PCNX2: variants seen among roughly 807,000 people sequenced by gnomAD.
PCNX2 encodes pecanex-like protein 2.
In PCNX2, 168 loss-of-function variants were observed where a neutral mutation model predicts 223.8. The ratio of observed to expected loss-of-function variants is 0.75; its 90% CI spans 0.66 to 0.85. The LOEUF (loss-of-function observed/expected upper bound fraction) is 0.85. PCNX2 is among the 40% of genes least tolerant of loss of function. The pLI is 0.00. For synonymous variants in PCNX2, 1,006 were observed against 1,052.6 expected, an observed-to-expected ratio of 0.96 and a Z score of 0.86; for missense variants, 2,507 against 2,675.5, an observed-to-expected ratio of 0.94 and a Z score of 1.39.
At chr1:233,290,684 G>C (rs1190323213) in intron 1 of PCNX2, 14 of 930,428 alleles carry the variant, frequency 1.5e-5, no homozygotes, top group Non-Finnish European at 1.7e-5. Flanking sequence ...GCTAGTGCTT[G>C]ACAGATAATC....
intron 10 of PCNX2, among the ~76,000 whole-genome samples, chr1:233,219,438 T>C (rs997519428): frequency 9.9e-5 from 15 of 152,058 alleles, no homozygotes; most frequent in Non-Finnish European, 1.5e-5. Flanking sequence ...GGGGACGGCA[T>C]GGACCACAGG....
intron 1 of PCNX2, among the ~76,000 whole-genome samples, chr1:233,276,985 G>A (rs529425476): frequency 4.4e-4 from 67 of 152,324 alleles, no homozygotes; most frequent in African/African-American, 1.4e-3. Flanking sequence ...GAGTGTCAGG[G>A]AATAATCCTT....
intron 8 of PCNX2, among the ~76,000 whole-genome samples, chr1:233,249,959 A>C (rs1388960904): frequency 6.6e-6 from 1 of 152,244 alleles, no homozygotes; most frequent in Non-Finnish European, 1.5e-5. Flanking sequence ...ACTTGGAAAG[A>C]CACATGGGGT....
intron 19 of PCNX2, among the ~76,000 whole-genome samples, chr1:233,149,123 C>G (rs1216269759): frequency 6.6e-6 from 1 of 152,088 alleles, no homozygotes; most frequent in Non-Finnish European, 1.5e-5. Context: ...GCAAAGAGAC[C>G]ATAAAAAAAC....
At chr1:233,162,159 T>C (rs1200056553) in intron 17 of PCNX2, among the ~76,000 whole-genome samples, 2 of 152,148 alleles carry the variant, frequency 1.3e-5, no homozygotes, top group African/African-American at 4.8e-5. Flanking sequence ...AGCCTGAGAA[T>C]GCTGTGAATG....
At chr1:233,034,853 A>G (rs560612297) in intron 25 of PCNX2, among the ~76,000 whole-genome samples, 6 of 152,316 alleles carry the variant, frequency 3.9e-5, no homozygotes, top group Admixed American at 3.3e-4. Flanking sequence ...CTAGAGTTAG[A>G]TCAAACGGGA....
intron 12 of PCNX2, among the ~76,000 whole-genome samples, chr1:233,212,273 G>T (rs2102918414): frequency 6.6e-6 from 1 of 152,246 alleles, no homozygotes. Flanking sequence ...ATATACAAGA[G>T]AATCCAAAAT....
intron 25 of PCNX2, among the ~76,000 whole-genome samples, chr1:233,043,700 TC>T (rs11305501): frequency 1 from 61,061 of 61,076 alleles, 30,523 homozygotes; most frequent in Middle Eastern, 1. Flanking sequence ...AATGATGATT[TC>T]CCAATTTCAT....
Position 232,984,481 on chromosome 1 carries a change from C to T in PCNX2, c.6241-4G>A. 6.2e-7 allele frequency: 1 copy of T among 1,611,364 alleles called. No individual in the cohort carries two copies. Among genetic ancestry groups the T allele is most frequent in the South Asian group, 1.1e-5 (1 of 90,862 alleles). On this transcript the variant is annotated splice_region_variant and splice_polypyrimidine_tract_variant and intron_variant, in intron 33 of 33. Coordinates refer to ENST00000258229, the MANE Select transcript of PCNX2 (RefSeq NM_014801.4). Reference sequence around the variant, plus strand: ...GCTCACATGGCTCGGAGAGGTGCTTCCAAAGAGAAGAGAGAAACAGTGAAC... The same window carrying T: ...GCTCACATGGCTCGGAGAGGTGCTTTCAAAGAGAAGAGAGAAACAGTGAAC...
chr1:232,990,620 C>G lies in PCNX2; in HGVS notation c.5792-4080G>C, dbSNP rs1168422795. 6.6e-6 allele frequency among the ~76,000 whole-genome samples: 1 copy of G among 152,194 alleles called. No individual in the cohort carries two copies. Among genetic ancestry groups the G allele is most frequent in the African/African-American group, 2.4e-5 (1 of 41,456 alleles). ...GGTAACCATCCACTCATTCGTCCAA[C>G]CTTTGTCTGCTGAGCCCAGATCATG... On this transcript the variant is annotated intron_variant, in intron 32 of 33. Coordinates refer to ENST00000258229, the MANE Select transcript of PCNX2 (RefSeq NM_014801.4). The surrounding 1 kb of genome is among the most constrained non-coding windows in gnomAD (Gnocchi z 4.3).
chr1:233,033,208 C>T (rs1671331556), intron 25 of PCNX2: 7 of 985,272 alleles, frequency 7.1e-6, no homozygotes, highest in Non-Finnish European at 8.4e-6. Context: ...TTTGTCACAC[C>T]TACCAATGCC....
chr1:233,276,276 C>T (rs1439326668), intron 1 of PCNX2, among the ~76,000 whole-genome samples: 2 of 152,064 alleles, frequency 1.3e-5, no homozygotes, highest in African/African-American at 2.4e-5. Context: ...TATTCAAACT[C>T]ATAGAGACAA....
At position 233,251,080 on chromosome 1, in the gene PCNX2, T is replaced by C. The variant is rs1572152910; in HGVS notation, c.2129-248A>G. ...TCCCTGCTAATATACTTAGACAAGT[T>C]TTGACTTGGTTACTTATTATTTAAT... On this transcript the variant is annotated intron_variant, in intron 7 of 33. Transcript: ENST00000258229. Among the ~76,000 whole-genome samples the C allele has an allele frequency of 2.0e-5, 3 of 152,310 alleles. No individual in the cohort carries two copies. The East Asian group carries it at 5.8e-4, about 29-fold the overall frequency.
At chr1:233,175,121 A>C (rs920141613) in intron 17 of PCNX2, among the ~76,000 whole-genome samples, 5 of 152,154 alleles carry the variant, frequency 3.3e-5, no homozygotes, top group African/African-American at 1.2e-4. Flanking sequence ...GACAGAGAAA[A>C]TAAGAGCTGG....
At chr1:233,250,486 C>T (rs1659389635) in intron 8 of PCNX2, 1 of 855,766 alleles carries the variant, frequency 1.2e-6, no homozygotes, top group African/African-American at 1.8e-5. Context: ...TATGTTTATA[C>T]AGAGTTCCTG....
At chr1:233,175,159 A>ATCG (rs1679406659) in intron 17 of PCNX2, among the ~76,000 whole-genome samples, 1 of 150,772 alleles carries the variant, frequency 6.6e-6, no homozygotes, top group African/African-American at 2.5e-5. Flanking sequence ...ATCAGAGACA[A>ATCG]TGGGAGGGGG....
At chr1:233,322,413 A>G in the PCNX2 span, among the ~76,000 whole-genome samples, 1 of 152,138 alleles carries the variant, frequency 6.6e-6, no homozygotes, top group Non-Finnish European at 1.5e-5. Context: ...AACAAATGAT[A>G]CATTTTAGGA....
the PCNX2 span, among the ~76,000 whole-genome samples, chr1:233,326,531 G>A: frequency 1.3e-5 from 2 of 152,130 alleles, no homozygotes; most frequent in Non-Finnish European, 2.9e-5. Flanking sequence ...TTTTATAGAT[G>A]AGAAAACTGA....
At chr1:233,063,565 C>T (rs1672483844) in intron 23 of PCNX2, among the ~76,000 whole-genome samples, 1 of 152,018 alleles carries the variant, frequency 6.6e-6, no homozygotes, top group Non-Finnish European at 1.5e-5. Context: ...CTTTAAAGAT[C>T]TTTTTTGATA....
Sources: allele counts gnomAD v4.1 joint callset (sites outside exome capture counted in the v4.1 genomes callset), GRCh38; gene constraint gnomAD v4.1.1; non-coding constraint Gnocchi (gnomAD v3.1); transcripts MANE v1.5; gene names NCBI Gene and HGNC (gene_info 2026-07-23, HGNC 2026-07-21).